Variants in FER1L6 observed in about 807,000 individuals in gnomAD.
FER1L6 encodes fer-1-like protein 6.
A neutral mutation model predicts 219.2 loss-of-function variants in FER1L6; 177 were observed. The ratio of observed to expected loss-of-function variants is 0.81; its 90% CI spans 0.71 to 0.91. The LOEUF is 0.91. Ranked by LOEUF, FER1L6 falls within the 40% of genes least tolerant of loss-of-function variation. The pLI is 0.00. For missense variants in FER1L6, 2,153 were observed against 2,259.9 expected (o/e 0.95, Z 0.96); for synonymous variants, 768 against 824.3 (o/e 0.93, Z 1.17).
intron 16 of FER1L6, among the ~76,000 whole-genome samples, chr8:124,018,053 T>C (rs1185849740): frequency 6.6e-6 from 1 of 152,234 alleles, no homozygotes; most frequent in Non-Finnish European, 1.5e-5. Flanking sequence ...GAAATAACTA[T>C]GCTCCTTGAC....
intron 40 of FER1L6, among the ~76,000 whole-genome samples, chr8:124,119,367 G>A (rs975487531): frequency 6.6e-6 from 1 of 151,994 alleles, no homozygotes; most frequent in Non-Finnish European, 1.5e-5. Flanking sequence ...TGGGGCCTTG[G>A]GCTGGGTTCT....
Position 123,865,158 on chromosome 8 carries a change from C to T in FER1L6, c.-8+12973C>T, listed in dbSNP as rs200754617. 6.5e-4 allele frequency among the ~76,000 whole-genome samples: 96 copies of T among 148,286 alleles called. 1 individual carries two copies. The highest frequency in any genetic ancestry group is 1.2e-3 in the African/African-American group (46 of 38,714). ...TGATGGTGATGTACAGATGGGTTTT[C>T]GGTGTGGATGTCCTTTCTGTTTGTT... On this transcript the variant is annotated intron_variant, in intron 1 of 40. Coordinates refer to ENST00000522917, the MANE Select transcript of FER1L6 (RefSeq NM_001039112.2).
chr8:123,928,070 G>C (rs1486355031), intron 1 of FER1L6, among the ~76,000 whole-genome samples: 1 of 152,072 alleles, frequency 6.6e-6, no homozygotes, highest in African/African-American at 2.4e-5. Flanking sequence ...AATTATCTTT[G>C]AATGGCATTT....
chr8:124,118,833 T>C lies in FER1L6; in HGVS notation c.5290-11T>C. ...GTGACTGGAAACAAAAGGTTTTGCA[T>C]CTTTTTGCAGGGCAAGGTTGAAGCT... On this transcript the variant is annotated splice_polypyrimidine_tract_variant and intron_variant, in intron 39 of 40. Coordinates refer to ENST00000522917, the MANE Select transcript of FER1L6 (RefSeq NM_001039112.2). 3 of 1,613,242 alleles carry C rather than the reference T, an allele frequency of 1.9e-6. No individual in the cohort carries two copies. The highest frequency in any genetic ancestry group is 1.1e-5 in the South Asian group (1 of 90,998).
intron 1 of FER1L6, among the ~76,000 whole-genome samples, chr8:123,857,689 C>T (rs191008625): frequency 7.9e-5 from 12 of 152,140 alleles, no homozygotes; most frequent in East Asian, 3.9e-4. Context: ...TCCTGGTGGC[C>T]GGCCTCTGAA....
At chr8:124,064,088 A>G (rs1820715220) in intron 25 of FER1L6, among the ~76,000 whole-genome samples, 1 of 152,218 alleles carries the variant, frequency 6.6e-6, no homozygotes, top group Non-Finnish European at 1.5e-5. Context: ...GATTAAAATT[A>G]CTTTGAGGAA....
At chr8:123,978,521 A>G (rs16899167) in intron 10 of FER1L6, among the ~76,000 whole-genome samples, 8,297 of 152,048 alleles carry the variant, frequency 0.055, 574 homozygotes, top group African/African-American at 0.16. Context: ...TCTTTGAAAA[A>G]CCCAACAAAC....
rs559321783 is a variant in FER1L6 at position 123,964,117 on chromosome 8, G to A, written c.197+719G>A. On this transcript the variant is annotated intron_variant, in intron 3 of 40. Coordinates refer to ENST00000522917, the MANE Select transcript of FER1L6 (RefSeq NM_001039112.2). ...AATGGTAGCAATGGCAGGGTTCTAA[G>A]AGAGTGGAAGTACAGAAGTTCTCTT... is the stretch of plus-strand genomic sequence containing the variant. Among the ~76,000 whole-genome samples, 6 of 152,316 alleles carry A rather than the reference G, an allele frequency of 3.9e-5. No homozygotes were observed. The South Asian group carries it at 1.2e-3, about 32-fold the overall frequency.
chr8:123,912,448 C>T (rs1488256179), intron 1 of FER1L6, among the ~76,000 whole-genome samples: 2 of 152,082 alleles, frequency 1.3e-5, no homozygotes, highest in African/African-American at 2.4e-5. Flanking sequence ...AAAATAAGAA[C>T]AGTCTTTGCC....
At chr8:123,882,795 T>C (rs773923461) in intron 1 of FER1L6, among the ~76,000 whole-genome samples, 1 of 152,122 alleles carries the variant, frequency 6.6e-6, no homozygotes, top group Non-Finnish European at 1.5e-5. Context: ...ATGATACTAT[T>C]GTGGTGGACA....
chr8:124,053,073 A>G (rs1336726005), intron 22 of FER1L6, among the ~76,000 whole-genome samples: 2 of 152,198 alleles, frequency 1.3e-5, no homozygotes, highest in African/African-American at 2.4e-5. Context: ...CTGAGGCTCA[A>G]TGCTAACTGA....
chr8:123,965,874 T>A, intron 3 of FER1L6, 133 bp from the exon 4 acceptor site: 1 of 814,762 alleles, frequency 1.2e-6, no homozygotes, highest in Middle Eastern at 3.7e-4. Flanking sequence ...CTTATACTTA[T>A]CTCCCCCAGA....
At chr8:123,884,796 T>G (rs1313757043) in intron 1 of FER1L6, among the ~76,000 whole-genome samples, 3 of 152,180 alleles carry the variant, frequency 2.0e-5, no homozygotes, top group Non-Finnish European at 4.4e-5. Context: ...TTCCTCCTCA[T>G]TTCCTCTCTG....
At chr8:124,087,011 C>T (rs960487824) in intron 33 of FER1L6, among the ~76,000 whole-genome samples, 1 of 152,074 alleles carries the variant, frequency 6.6e-6, no homozygotes, top group African/African-American at 2.4e-5. Flanking sequence ...TTTTGGGATC[C>T]CTAAGTTATC....
intron 1 of FER1L6, among the ~76,000 whole-genome samples, chr8:123,881,458 A>G (rs1817108781): frequency 7.9e-5 from 12 of 152,178 alleles, no homozygotes; most frequent in Admixed American, 7.9e-4. Context: ...CTTATATGAT[A>G]TTTAGTCCGA....
At chr8:123,964,529 A>G (rs1476610397) in intron 3 of FER1L6, among the ~76,000 whole-genome samples, 1 of 152,124 alleles carries the variant, frequency 6.6e-6, no homozygotes, top group Non-Finnish European at 1.5e-5. Context: ...ACTCACTGCA[A>G]TATCTCCTTC....
intron 35 of FER1L6, among the ~76,000 whole-genome samples, chr8:124,096,391 C>A (rs1288062611): frequency 6.6e-6 from 1 of 152,210 alleles, no homozygotes; most frequent in Non-Finnish European, 1.5e-5. Context: ...CCTTCCTCAT[C>A]CAAATCCTGC....
intron 1 of FER1L6, among the ~76,000 whole-genome samples, chr8:123,869,904 T>C (rs1235594847): frequency 6.6e-6 from 1 of 152,056 alleles, no homozygotes; most frequent in Non-Finnish European, 1.5e-5. Context: ...ACAGAAAGAG[T>C]CAATTGCTCT....
intron 1 of FER1L6, among the ~76,000 whole-genome samples, chr8:123,872,436 C>G (rs915627357): frequency 3.9e-5 from 6 of 152,098 alleles, no homozygotes; most frequent in Admixed American, 3.9e-4. Flanking sequence ...TGAGAAATGG[C>G]CCAGAGGTGC....
Sources: allele counts gnomAD v4.1 joint callset (sites outside exome capture counted in the v4.1 genomes callset), GRCh38; gene constraint gnomAD v4.1.1; transcripts MANE v1.5; gene names NCBI Gene and HGNC (gene_info 2026-07-23, HGNC 2026-07-21).